The following HDAC8 variants were observed in gnomAD, a reference collection of about 807,000 sequenced individuals.
HDAC8 encodes histone deacetylase-like 1.
In HDAC8, 1 loss-of-function variant was observed where a neutral mutation model predicts 32.2. The observed-to-expected ratio is 0.03, with a 90% confidence interval of 0.01 to 0.15. The LOEUF is 0.15. Ranked by LOEUF, HDAC8 falls within the 10% of genes least tolerant of loss-of-function variation. The pLI, the probability that HDAC8 is intolerant of heterozygous loss-of-function variation, is 1.00. For synonymous variants in HDAC8, 108 were observed against 113.9 expected (o/e 0.95, Z 0.33); for missense variants, 117 against 300.0 (o/e 0.39, Z 4.51).
At chrX:72,351,701 A>G (rs782282933) in intron 10 of HDAC8, 32 bp downstream of exon 10, 1 of 1,072,313 alleles carries the variant, frequency 9.3e-7, no homozygotes, top group Non-Finnish European at 1.3e-6. Flanking sequence ...TGGGTGGAAC[A>G]AGGAGGGCAG....
chrX:72,452,451 A>C (rs1250049591), intron 9 of HDAC8, among the ~76,000 whole-genome samples: 1 of 111,481 alleles, frequency 9.0e-6, no homozygotes, highest in African/African-American at 3.3e-5. Context: ...GCAAGACTCC[A>C]TCTTAAACAA....
intron 4 of HDAC8, among the ~76,000 whole-genome samples, chrX:72,558,785 A>G (rs1309051841): frequency 1.8e-5 from 2 of 110,743 alleles, no homozygotes; most frequent in Non-Finnish European, 3.8e-5. Context: ...AAATCGGTAA[A>G]GAGGAAGTCA....
chrX:72,565,616 G>T (rs1194188154), intron 4 of HDAC8, among the ~76,000 whole-genome samples: 2 of 112,094 alleles, frequency 1.8e-5, no homozygotes, highest in Non-Finnish European at 3.8e-5. Context: ...ACTGGAAAAT[G>T]ACCCAGGCCC....
chrX:72,375,867 T>A (rs1308534805), intron 9 of HDAC8, among the ~76,000 whole-genome samples: 2 of 112,006 alleles, frequency 1.8e-5, no homozygotes, highest in Non-Finnish European at 3.8e-5. Flanking sequence ...ATCAGTAGAA[T>A]TGACTAGTGA....
At chrX:72,410,656 T>C (rs2046166048) in intron 9 of HDAC8, among the ~76,000 whole-genome samples, 1 of 111,658 alleles carries the variant, frequency 9.0e-6, no homozygotes, top group Non-Finnish European at 1.9e-5. Flanking sequence ...CAAAAATGTT[T>C]CTTGAATCAC....
chrX:72,510,631 G>T (rs2147329015), intron 4 of HDAC8, among the ~76,000 whole-genome samples: 1 of 110,946 alleles, frequency 9.0e-6, no homozygotes, highest in Non-Finnish European at 1.9e-5. Flanking sequence ...CCTAACATTT[G>T]CACTACAGAA....
At chrX:72,494,234 C>T (rs1192834197) in intron 5 of HDAC8, among the ~76,000 whole-genome samples, 2 of 111,189 alleles carry the variant, frequency 1.8e-5, no homozygotes, top group African/African-American at 6.5e-5. Flanking sequence ...AGCATCCATG[C>T]AGATGAAGCT....
intron 4 of HDAC8, among the ~76,000 whole-genome samples, chrX:72,507,978 G>A (rs1428656979): frequency 9.0e-6 from 1 of 111,604 alleles, no homozygotes; most frequent in African/African-American, 3.3e-5. Context: ...CTTTGATCAC[G>A]ACATCAAGAA....
chrX:72,444,178 T>A (rs1359567936), intron 9 of HDAC8, among the ~76,000 whole-genome samples: 16 of 100,859 alleles, frequency 1.6e-4, no homozygotes, highest in Non-Finnish European at 2.8e-4. Flanking sequence ...CCTCCCTAAC[T>A]CATTTTATGA....
intron 10 of HDAC8, among the ~76,000 whole-genome samples, chrX:72,337,252 C>T (rs1225558560): frequency 8.9e-6 from 1 of 112,393 alleles, no homozygotes; most frequent in Non-Finnish European, 1.9e-5. Context: ...GACCATCCTA[C>T]AGCTATGCTG....
Position 72,490,610 on chromosome X carries a change from G to C in HDAC8, c.628+319C>G, listed in dbSNP as rs1350911902. 5.3e-5 allele frequency among the ~76,000 whole-genome samples: 4 copies of C among 75,500 alleles called. No individual in the cohort carries two copies. The East Asian group carries it at 1.6e-3, about 30-fold the overall frequency. 65.6% of individuals were successfully genotyped at this position (75,500 alleles called of 115,157 possible). The stretch of plus-strand genomic sequence containing the variant: ...ACACTCTGGGGACTGTTGCGGGGTG[G>C]GGGGAGGGGGGAGGGATAGCTTTAG... On this transcript the variant is annotated intron_variant, in intron 6 of 10. Coordinates refer to ENST00000373573, the MANE Select transcript of HDAC8 (RefSeq NM_018486.3).
intron 9 of HDAC8, among the ~76,000 whole-genome samples, chrX:72,436,450 ACAATTCTATACC>A (rs1437210768): frequency 1.8e-5 from 2 of 111,654 alleles, no homozygotes; most frequent in African/African-American, 6.5e-5. Context: ...GTCAGTCCAG[ACAATTCTATACC>A]CAATTCTATA....
At chrX:72,537,232 T>C (rs1384414054) in intron 4 of HDAC8, among the ~76,000 whole-genome samples, 1 of 112,203 alleles carries the variant, frequency 8.9e-6, no homozygotes, top group African/African-American at 3.2e-5. Context: ...AAAAATGTAT[T>C]CAAGTATATG....
intron 7 of HDAC8, chrX:72,468,060 C>A (rs782102798): frequency 1.1e-4 from 127 of 1,144,484 alleles, no homozygotes; most frequent in Middle Eastern, 2.4e-4. Flanking sequence ...AAAGGTAGGG[C>A]ATCTTGTACA....
chrX:72,539,615 G>T (rs1402118944), intron 4 of HDAC8, among the ~76,000 whole-genome samples: 13 of 111,231 alleles, frequency 1.2e-4, no homozygotes, highest in African/African-American at 4.3e-4. Context: ...GGGTTATTTT[G>T]TCAGACCATT....
At chrX:72,364,821 C>A (rs1399497466) in intron 9 of HDAC8, among the ~76,000 whole-genome samples, 2 of 111,227 alleles carry the variant, frequency 1.8e-5, no homozygotes, top group East Asian at 5.6e-4. Context: ...TAAATATGTA[C>A]AAAAAAAGAC....
At chrX:72,403,720 G>C (rs1372777935) in intron 9 of HDAC8, among the ~76,000 whole-genome samples, 2 of 111,601 alleles carry the variant, frequency 1.8e-5, no homozygotes, top group African/African-American at 6.5e-5. Context: ...CCAGCTACTT[G>C]GGAGGCTGAG....
At chrX:72,548,802 T>C (rs1012594214) in intron 4 of HDAC8, among the ~76,000 whole-genome samples, 15 of 111,472 alleles carry the variant, frequency 1.3e-4, no homozygotes, top group African/African-American at 4.9e-4. Context: ...CCTGAGTAGC[T>C]AGGACTACAG....
intron 9 of HDAC8, among the ~76,000 whole-genome samples, chrX:72,425,455 G>A (rs2046612778): frequency 8.9e-6 from 1 of 111,755 alleles, no homozygotes; most frequent in Admixed American, 9.5e-5. Flanking sequence ...TTCTGCTGTG[G>A]TCTATCTTGG....
Sources: gnomAD v4.1 joint callset for allele counts (sites outside exome capture counted in the v4.1 genomes callset) on GRCh38, gnomAD v4.1.1 for gene constraint, MANE v1.5 for transcripts, NCBI Gene and HGNC (gene_info 2026-07-23, HGNC 2026-07-21) for gene names.